NPHP4: variants seen among roughly 807,000 people sequenced by gnomAD.
The protein encoded by NPHP4 is nephrocystin-4.
In NPHP4, 151 loss-of-function variants were observed where a neutral mutation model predicts 155.8. That is an observed-to-expected ratio of 0.97 (90% confidence interval 0.85 to 1.11). The LOEUF is 1.11. NPHP4 is among the 50% of genes least tolerant of loss of function. The pLI, the probability that NPHP4 is intolerant of heterozygous loss-of-function variation, is 0.00. For missense variants in NPHP4, 1,956 were observed against 1,925.7 expected (o/e 1.02, Z -0.29); for synonymous variants, 845 against 816.8 (o/e 1.03, Z -0.59).
intron 6 of NPHP4, among the ~76,000 whole-genome samples, chr1:5,958,841 A>G (rs1308535769): frequency 1.0e-5 from 1 of 97,074 alleles, no homozygotes; most frequent in Non-Finnish European, 1.9e-5. Flanking sequence ...CCTGAAGAAG[A>G]GCCAGACCCT....
intron 2 of NPHP4, among the ~76,000 whole-genome samples, chr1:5,983,067 T>C (rs985970793): frequency 2.0e-5 from 3 of 152,216 alleles, no homozygotes; most frequent in Admixed American, 2.0e-4. Context: ...TCTAGCTTTC[T>C]TGGGAGTAGC....
At chr1:5,906,298 G>A (rs948862366) in intron 13 of NPHP4, among the ~76,000 whole-genome samples, 8 of 152,212 alleles carry the variant, frequency 5.3e-5, no homozygotes, top group Admixed American at 6.5e-5. Flanking sequence ...TCATTCACTC[G>A]TATTCCACCT....
intron 10 of NPHP4, among the ~76,000 whole-genome samples, chr1:5,928,148 T>C (rs1025850215): frequency 6.6e-6 from 1 of 152,116 alleles, no homozygotes. Flanking sequence ...ACACCCAGGG[T>C]GCAGGCCAGC....
intron 9 of NPHP4, among the ~76,000 whole-genome samples, chr1:5,941,524 T>A (rs945416336): frequency 6.6e-6 from 1 of 152,198 alleles, no homozygotes; most frequent in African/African-American, 2.4e-5. Context: ...ATATCTGCAC[T>A]ATTTATCACA....
chr1:5,904,266 G>C (rs1644807596), intron 16 of NPHP4, among the ~76,000 whole-genome samples: 1 of 152,210 alleles, frequency 6.6e-6, no homozygotes, highest in Non-Finnish European at 1.5e-5. Context: ...ACATTGGCTA[G>C]ATATTTGATG....
intron 18 of NPHP4, chr1:5,887,006 C>T (rs1421163122): frequency 2.4e-6 from 1 of 420,520 alleles, no homozygotes. Flanking sequence ...AGGACTGTCC[C>T]GGAGATCCTC....
Position 5,890,985 on chromosome 1 carries a change from G to T in NPHP4, c.2187C>A (p.Phe729Leu). 6.3e-7 allele frequency: 1 copy of T among 1,584,208 alleles called. No homozygotes were observed. Among genetic ancestry groups the T allele is most frequent in the South Asian group, 1.1e-5 (1 of 89,186 alleles). Residue 729 changes from phenylalanine (F) to leucine (L), a missense_variant, in exon 17 of 30, where the codon TTC becomes TTA. By Grantham distance (22) the Phe-to-Leu change is conservative. Transcript: ENST00000378156. The surrounding 1 kb of genome is among the most constrained non-coding windows in gnomAD (Gnocchi z 4.9). ...FQLRYMVGPG[F>L]LKPGERRCFA... ...AGCAGCGCCGCTCACCTGGCTTCAG[G>T]AACCCAGGGCCCACCATGTACCTCA...
chr1:5,978,228 C>T (rs983041876), intron 3 of NPHP4, 42 bp downstream of exon 3: 3 of 1,576,950 alleles, frequency 1.9e-6, no homozygotes, highest in Non-Finnish European at 2.6e-6. Flanking sequence ...CACACACACC[C>T]TCCGCCTTGG....
chr1:5,932,392 T>C (rs1014113910), intron 10 of NPHP4, among the ~76,000 whole-genome samples: 1 of 152,192 alleles, frequency 6.6e-6, no homozygotes, highest in South Asian at 2.1e-4. Flanking sequence ...ATTCTAAATA[T>C]TACATCTATA....
chr1:5,938,403 C>T (rs1482933871), intron 9 of NPHP4, among the ~76,000 whole-genome samples: 7 of 152,316 alleles, frequency 4.6e-5, no homozygotes, highest in South Asian at 2.1e-4. Context: ...GTCACAACAG[C>T]AGCACAGCCA....
intron 10 of NPHP4, among the ~76,000 whole-genome samples, chr1:5,931,733 C>CAAAA (rs60217132): frequency 1.3e-5 from 1 of 79,326 alleles, no homozygotes. Flanking sequence ...GACTTCATCT[C>CAAAA]AAAAAAAAAA....
At chr1:5,863,447 G>T in intron 29 of NPHP4, 42 bp from the exon 30 acceptor site, 1 of 1,604,094 alleles carries the variant, frequency 6.2e-7, no homozygotes, top group Non-Finnish European at 8.5e-7. Flanking sequence ...CCCCCGGGCT[G>T]TCCCACGCTC....
At position 5,863,201 on chromosome 1, in the gene NPHP4, A is replaced by C; in HGVS notation, c.*64T>G. On this transcript the variant is annotated 3_prime_UTR_variant, in exon 30 of 30. Transcript: ENST00000378156. ...CAGAGAGGCGGGGAGGACAGCCTGC[A>C]GGGCAGGAGGGGCACAGACAGGCCC... The C allele has an allele frequency of 6.4e-7, 1 of 1,570,410 alleles. No individual in the cohort carries two copies. Among genetic ancestry groups the C allele is most frequent in the African/African-American group, 1.3e-5 (1 of 74,260 alleles).
rs1167159011 is a variant in NPHP4 at position 5,948,111 on chromosome 1, T to G, written c.951A>C (p.Ser317=). The G allele has an allele frequency of 6.2e-7, 1 of 1,613,932 alleles. No homozygotes were observed. The highest frequency in any genetic ancestry group is 8.5e-7 in the Non-Finnish European group (1 of 1,179,888). Residue 317 remains serine (S), a synonymous_variant, in exon 8 of 30, where the codon TCA becomes TCC. Transcript: ENST00000378156. ...AGACCACTTTCCTGCTGAAGCTAGCTGAGCGCGTCAAGGCCACATCCATCT... is the reference window on the plus strand; with the variant it reads ...AGACCACTTTCCTGCTGAAGCTAGCGGAGCGCGTCAAGGCCACATCCATCT... The part of the protein sequence containing the change: ...VPEMDVALTR[S]ASFSRKVVSS...
At chr1:5,924,403 A>C (rs538285521) in intron 11 of NPHP4, among the ~76,000 whole-genome samples, 40 of 152,180 alleles carry the variant, frequency 2.6e-4, no homozygotes, top group African/African-American at 8.9e-4. Flanking sequence ...GAACCCTGGC[A>C]AAAAAATCAG....
At chr1:5,922,672 A>T (rs1645801183) in intron 11 of NPHP4, among the ~76,000 whole-genome samples, 1 of 152,138 alleles carries the variant, frequency 6.6e-6, no homozygotes, top group Admixed American at 6.5e-5. Context: ...CAAAAAACTT[A>T]GCCAGGCACG....
At chr1:5,884,205 C>T (rs1379456201) in intron 18 of NPHP4, among the ~76,000 whole-genome samples, 3 of 152,178 alleles carry the variant, frequency 2.0e-5, no homozygotes, top group African/African-American at 7.2e-5. Flanking sequence ...GCAGGAATTC[C>T]CTCCAAACAC....
Position 5,986,230 on chromosome 1 carries a change from T to G in NPHP4, c.60A>C (p.Arg20Ser). The G allele has an allele frequency of 6.2e-7, 1 of 1,613,874 alleles. No individual in the cohort carries two copies. Among genetic ancestry groups the G allele is most frequent in the East Asian group, 2.2e-5 (1 of 44,882 alleles). Reference sequence around the variant, plus strand: ...TGGATTCCTTCCAAGGCTGGCGCGCTCTCTGTGGGTGGGGAGGGACAAGCA... The same window carrying G: ...TGGATTCCTTCCAAGGCTGGCGCGCGCTCTGTGGGTGGGGAGGGACAAGCA... Reference protein sequence around the residue: ...QNVLVPPHPQRARQPWKESTA... With the variant: ...QNVLVPPHPQSARQPWKESTA... Residue 20 changes from arginine to serine, a missense_variant, in exon 2 of 30, where the codon AGA (arginine) becomes AGC (serine). Coordinates refer to ENST00000378156, the MANE Select transcript of NPHP4 (RefSeq NM_015102.5).
chr1:5,925,043 GTTCAGGCATTTC>G (rs1221735562), intron 11 of NPHP4, among the ~76,000 whole-genome samples: 1 of 152,182 alleles, frequency 6.6e-6, no homozygotes, highest in Admixed American at 6.5e-5. Flanking sequence ...TTCATTCTCT[GTTCAGGCATTTC>G]TACAGACATG....
Sources: gnomAD v4.1 joint callset for allele counts (sites outside exome capture counted in the v4.1 genomes callset) on GRCh38, gnomAD v4.1.1 for gene constraint, Gnocchi (gnomAD v3.1) non-coding constraint, MANE v1.5 for transcripts, NCBI Gene and HGNC (gene_info 2026-07-23, HGNC 2026-07-21) for gene names.